RCC1L: variants seen among roughly 807,000 people sequenced by gnomAD.
The protein encoded by RCC1L is RCC1 like, also known as RCC1-like G exchanging factor-like protein.
Under a neutral mutation model 58.6 loss-of-function variants are expected in RCC1L, and 46 were observed. That is an observed-to-expected ratio of 0.79 (90% confidence interval 0.62 to 1.00). The LOEUF (loss-of-function observed/expected upper bound fraction) is 1.00, where lower values mean the gene tolerates loss of function less well. Ranked by LOEUF, RCC1L falls within the 50% of genes least tolerant of loss-of-function variation. The pLI, the probability that RCC1L is intolerant of heterozygous loss-of-function variation, is 0.00. For missense variants in RCC1L, 636 were observed against 623.6 expected (o/e 1.02, Z -0.21); for synonymous variants, 281 against 262.9 (o/e 1.07, Z -0.67).
chr7:75,066,410 C>T (rs1307890155), intron 3 of RCC1L, among the ~76,000 whole-genome samples: 2 of 152,068 alleles, frequency 1.3e-5, no homozygotes, highest in African/African-American at 2.4e-5. Flanking sequence ...GCCGAGATTA[C>T]ACCACTGCAC....
chr7:75,027,915 T>C, exon 11 of RCC1L: 2 of 1,140,558 alleles, frequency 1.8e-6, no homozygotes, highest in Non-Finnish European at 2.5e-6. Context: ...GTCTGCTGGG[T>C]GGGAGGGTCT....
At chr7:75,041,027 G>A (rs1805546360), downstream of RCC1L, among the ~76,000 whole-genome samples, 1 of 152,052 alleles carries the variant, frequency 6.6e-6, no homozygotes, top group African/African-American at 2.4e-5. Flanking sequence ...AGAACAGCCT[G>A]GCCAACACGG....
intron 10 of RCC1L, among the ~76,000 whole-genome samples, chr7:75,047,044 G>C (rs1425632398): frequency 6.6e-6 from 1 of 151,586 alleles, no homozygotes; most frequent in Non-Finnish European, 1.5e-5. Flanking sequence ...TGCAACCTCC[G>C]CCTCCCAAGT....
intron 5 of RCC1L, among the ~76,000 whole-genome samples, chr7:75,061,945 T>G (rs1806290061): frequency 6.6e-6 from 1 of 152,174 alleles, no homozygotes; most frequent in Non-Finnish European, 1.5e-5. Context: ...CCCAACACGT[T>G]GAGAGGCCAA....
chr7:75,068,774 C>CT (rs1242454248), intron 2 of RCC1L, among the ~76,000 whole-genome samples: 3 of 152,242 alleles, frequency 2.0e-5, no homozygotes, highest in East Asian at 3.9e-4. Flanking sequence ...ATGTATTTGT[C>CT]TGTGAACAAG....
chr7:75,058,689 T>G lies in RCC1L; in HGVS notation c.868A>C (p.Thr290Pro). ...ACGGCCAGGCAGCAATCACCGTAGGTGGCAACTTGGATAACGTTCACTCCC... is the reference window on the plus strand; with the variant it reads ...ACGGCCAGGCAGCAATCACCGTAGGGGGCAACTTGGATAACGTTCACTCCC... ...LAGVNVIQVA[T>P]YGDCCLAVSA... is the part of the protein sequence containing the mutation. Residue 290 changes from threonine to proline, a missense_variant, in exon 7 of 11, where the codon ACC becomes CCC. Coordinates refer to ENST00000610322, the MANE Select transcript of RCC1L (RefSeq NM_030798.5). 2.5e-6 allele frequency: 4 copies of G among 1,613,976 alleles called. No individual in the cohort carries two copies. Among genetic ancestry groups the G allele is most frequent in the Non-Finnish European group, 3.4e-6 (4 of 1,179,864 alleles).
chr7:75,039,790 G>A (rs1168177007), downstream of RCC1L, among the ~76,000 whole-genome samples: 5 of 152,164 alleles, frequency 3.3e-5, no homozygotes, highest in East Asian at 1.9e-4. Context: ...ACTCCATCGC[G>A]GGTGCCATTC....
intron 3 of RCC1L, 170 bp from the exon 4 acceptor site, chr7:75,064,818 G>C (rs1554444872): frequency 1.2e-5 from 9 of 727,922 alleles, no homozygotes; most frequent in Non-Finnish European, 9.9e-6. Context: ...AACTCACAAG[G>C]GGCATGGGGG....
At position 75,042,698 on chromosome 7, in the gene RCC1L, G is replaced by C. The variant is rs1377433933; in HGVS notation, c.*334C>G. ...GAAACCTCCCGAGCACTGTGTTCAA[G>C]CTAAGCTTTCCTAAGACGGGCTTCT... On this transcript the variant is annotated 3_prime_UTR_variant, in exon 11 of 11. Coordinates refer to ENST00000610322, the MANE Select transcript of RCC1L (RefSeq NM_030798.5). The C allele has an allele frequency of 1.6e-6, 2 of 1,240,418 alleles. No individual in the cohort carries two copies. The highest frequency in any genetic ancestry group is 3.9e-5 in the Admixed American group (1 of 25,756). 76.8% of individuals were successfully genotyped at this position (1,240,418 alleles called of 1,614,324 possible).
At chr7:75,044,267 A>G (rs1182965130) in intron 10 of RCC1L, among the ~76,000 whole-genome samples, 2 of 152,208 alleles carry the variant, frequency 1.3e-5, no homozygotes, top group African/African-American at 4.8e-5. Flanking sequence ...CATAGCTGCA[A>G]GATAAAAGGA....
At chr7:75,047,215 C>G (rs982485636) in intron 10 of RCC1L, among the ~76,000 whole-genome samples, 1 of 152,226 alleles carries the variant, frequency 6.6e-6, no homozygotes, top group Non-Finnish European at 1.5e-5. Flanking sequence ...CTCGGCACCC[C>G]CAAAGTGCTG....
intron 10 of RCC1L, among the ~76,000 whole-genome samples, chr7:75,051,182 T>A (rs868933897): frequency 0.8 from 116,716 of 146,200 alleles, 46,869 homozygotes; most frequent in East Asian, 0.93. Context: ...GGAAAAAATA[T>A]ATATATATAT....
At chr7:75,041,036 G>A (rs969478645), downstream of RCC1L, among the ~76,000 whole-genome samples, 4 of 152,158 alleles carry the variant, frequency 2.6e-5, no homozygotes, top group South Asian at 2.1e-4. Flanking sequence ...TGGCCAACAC[G>A]GCAAAACCCC....
rs587748393 is a variant in RCC1L at position 75,055,883 on chromosome 7, C to T, written c.1231+18G>A. On this transcript the variant is annotated intron_variant, in intron 9 of 10. Transcript: ENST00000610322. Reference sequence around the variant, plus strand: ...CTCTGCTGGGCTCACACCAGGGCCACCGGGCTTGGTAACTTACTGGTCAGT... The same window carrying T: ...CTCTGCTGGGCTCACACCAGGGCCATCGGGCTTGGTAACTTACTGGTCAGT... The T allele has an allele frequency of 1.6e-5, 26 of 1,613,910 alleles. No homozygotes were observed. The South Asian group carries it at 2.4e-4, about 15-fold the overall frequency.
intron 1 of RCC1L, among the ~76,000 whole-genome samples, chr7:75,072,149 C>A (rs1439019042): frequency 2.8e-5 from 1 of 35,900 alleles, no homozygotes; most frequent in African/African-American, 6.5e-5. Flanking sequence ...TATACATATA[C>A]ATATACATAT....
chr7:75,027,920 G>T, exon 11 of RCC1L: 1 of 1,189,764 alleles, frequency 8.4e-7, no homozygotes, highest in Non-Finnish European at 1.2e-6. Flanking sequence ...CTGGGTGGGA[G>T]GGTCTCTCCA....
chr7:75,033,777 G>C (rs1805371729), intron 10 of RCC1L, among the ~76,000 whole-genome samples: 1 of 152,028 alleles, frequency 6.6e-6, no homozygotes, highest in South Asian at 2.1e-4. Context: ...AGGATCACTT[G>C]AGCCCAGGAG....
At chr7:75,069,355 G>A (rs1426194063) in intron 2 of RCC1L, among the ~76,000 whole-genome samples, 2 of 152,022 alleles carry the variant, frequency 1.3e-5, no homozygotes, top group Non-Finnish European at 2.9e-5. Context: ...ACCATGCTCA[G>A]CTAATTCTTT....
intron 8 of RCC1L, among the ~76,000 whole-genome samples, chr7:75,057,152 T>C (rs1464254245): frequency 1.3e-5 from 2 of 152,136 alleles, no homozygotes; most frequent in African/African-American, 4.8e-5. Flanking sequence ...TTTCTATTTT[T>C]AGTAGAGTCA....
Sources: gnomAD v4.1 joint callset for allele counts (sites outside exome capture counted in the v4.1 genomes callset) on GRCh38, gnomAD v4.1.1 for gene constraint, MANE v1.5 for transcripts, NCBI Gene and HGNC (gene_info 2026-07-23, HGNC 2026-07-21) for gene names.